Variants in MYO16 observed in about 807,000 individuals in gnomAD.
MYO16 encodes the protein unconventional myosin-XVI.
MYO16 carries 94 observed loss-of-function variants against 205.3 expected under a neutral mutation model. That is an observed-to-expected ratio of 0.46 (90% CI 0.39 to 0.54). The LOEUF (loss-of-function observed/expected upper bound fraction) is 0.54. MYO16 is among the 20% of genes least tolerant of loss of function. MYO16 has a pLI of 0.00. For synonymous variants in MYO16, 988 were observed against 954.0 expected (o/e 1.04, Z -0.66); for missense variants, 2,315 against 2,387.5 (o/e 0.97, Z 0.63).
At chr13:108,662,364 G>T (rs958400405) in intron 1 of MYO16, among the ~76,000 whole-genome samples, 3 of 152,170 alleles carry the variant, frequency 2.0e-5, no homozygotes, top group African/African-American at 4.8e-5. Flanking sequence ...AATGCCCTTT[G>T]TTTGCCACTA....
In MYO16 at chr13:108,712,827, T is replaced by C. The variant is rs115079378; in HGVS notation, c.363+96T>C. ...AGGAACGAAATGTACATCTCACAGA[T>C]GATGATCAGAAAGATGATGTGTTTC... On this transcript the variant is annotated intron_variant, in intron 3 of 34. Transcript: ENST00000457511. 3.6e-3 allele frequency: 3,102 copies of C among 864,964 alleles called. 65 individuals carry two copies. The African/African-American group carries it at 0.043, about 12-fold the overall frequency. The allele number at this position is 864,964 out of a possible 1,614,324, so 53.6% of individuals were successfully genotyped here. A position where few individuals can be genotyped will look rare whatever the true frequency, so the allele number is the denominator to read the frequency against.
At chr13:108,740,966 T>C (rs563259985) in intron 4 of MYO16, among the ~76,000 whole-genome samples, 5 of 152,188 alleles carry the variant, frequency 3.3e-5, no homozygotes, top group Non-Finnish European at 5.9e-5. Context: ...GTGTGCCGTT[T>C]GCTAAGACCC....
chr13:108,913,838 C>T (rs537563243), intron 16 of MYO16, among the ~76,000 whole-genome samples: 5 of 152,256 alleles, frequency 3.3e-5, no homozygotes, highest in African/African-American at 4.8e-5. Context: ...CCAATCCCAG[C>T]GGCCATACTT....
intron 17 of MYO16, among the ~76,000 whole-genome samples, chr13:108,960,758 A>G (rs954056487): frequency 6.6e-6 from 1 of 152,152 alleles, no homozygotes; most frequent in Non-Finnish European, 1.5e-5. Flanking sequence ...GACATTCTAG[A>G]AAAGTACAGT....
intron 11 of MYO16, among the ~76,000 whole-genome samples, chr13:108,857,660 A>G (rs1878252025): frequency 6.6e-6 from 1 of 152,230 alleles, no homozygotes. Context: ...TTATTATCTC[A>G]GTGCTTTAAG....
At chr13:108,818,445 ATAAT>A in intron 7 of MYO16, among the ~76,000 whole-genome samples, 2 of 148,750 alleles carry the variant, frequency 1.3e-5, no homozygotes, top group East Asian at 3.9e-4. Context: ...AACAAACACA[ATAAT>A]AAATAAAAAT....
At chr13:108,693,674 G>A (rs529104592) in intron 2 of MYO16, among the ~76,000 whole-genome samples, 2 of 152,240 alleles carry the variant, frequency 1.3e-5, no homozygotes, top group African/African-American at 4.8e-5. Context: ...GCTGTTGATA[G>A]GGCTTCTATA....
intron 32 of MYO16, among the ~76,000 whole-genome samples, chr13:109,157,433 T>C (rs977177081): frequency 6.6e-6 from 1 of 151,876 alleles, no homozygotes; most frequent in Non-Finnish European, 1.5e-5. Context: ...TCTGCGGCAT[T>C]CCCTTCCTTT....
chr13:109,120,680 G>A (rs141343992), intron 29 of MYO16, among the ~76,000 whole-genome samples: 4 of 152,330 alleles, frequency 2.6e-5, no homozygotes, highest in Non-Finnish European at 5.9e-5. Context: ...AACATTTGCA[G>A]ACATTGTTCA....
At chr13:109,017,781 A>G (rs1029196880) in intron 22 of MYO16, among the ~76,000 whole-genome samples, 10 of 152,058 alleles carry the variant, frequency 6.6e-5, no homozygotes, top group Non-Finnish European at 4.4e-5. Context: ...TGCATGCGTC[A>G]CGTAGTTTTC....
At chr13:108,931,120 T>C (rs549023834) in intron 16 of MYO16, among the ~76,000 whole-genome samples, 1 of 152,358 alleles carries the variant, frequency 6.6e-6, no homozygotes, top group South Asian at 2.1e-4. Flanking sequence ...CTCTTCCATC[T>C]GAACAGCTGT....
At chr13:108,759,422 G>T (rs1885523110) in intron 4 of MYO16, among the ~76,000 whole-genome samples, 1 of 152,142 alleles carries the variant, frequency 6.6e-6, no homozygotes, top group Non-Finnish European at 1.5e-5. Context: ...TAAATCATTG[G>T]CAAGTTAAGA....
chr13:108,564,405 A>C, the MYO16 span, among the ~76,000 whole-genome samples: 3 of 152,098 alleles, frequency 2.0e-5, no homozygotes, highest in Non-Finnish European at 4.4e-5. Flanking sequence ...TCCTGACCTC[A>C]TGATCTGCCC....
At chr13:108,957,908 C>T (rs1261258923) in intron 17 of MYO16, 109 bp downstream of exon 17, 3 of 845,290 alleles carry the variant, frequency 3.5e-6, no homozygotes, top group African/African-American at 1.7e-5. Context: ...CAGATGTTGC[C>T]GAGGACACTG....
At chr13:108,714,344 C>T (rs919841230) in intron 3 of MYO16, among the ~76,000 whole-genome samples, 5 of 152,214 alleles carry the variant, frequency 3.3e-5, no homozygotes, top group African/African-American at 4.8e-5. Context: ...CGTGAGCCAC[C>T]GTGCCCGCCC....
At chr13:108,520,780 A>G in the MYO16 span, among the ~76,000 whole-genome samples, 2 of 152,348 alleles carry the variant, frequency 1.3e-5, no homozygotes, top group East Asian at 3.9e-4. Context: ...CAGTGATCAC[A>G]TTGAACTAAA....
At chr13:109,186,049 C>A (rs1389742551) in intron 34 of MYO16, among the ~76,000 whole-genome samples, 1 of 151,998 alleles carries the variant, frequency 6.6e-6, no homozygotes, top group Non-Finnish European at 1.5e-5. Context: ...AACTGTAGTC[C>A]CCGCTACTTG....
chr13:109,118,843 A>G (rs995925050), intron 28 of MYO16, among the ~76,000 whole-genome samples: 4 of 152,182 alleles, frequency 2.6e-5, no homozygotes, highest in Admixed American at 2.6e-4. Context: ...ATACAATGAA[A>G]AAAAAAAGTA....
intron 4 of MYO16, among the ~76,000 whole-genome samples, chr13:108,778,628 A>T (rs572851347): frequency 6.6e-6 from 1 of 150,738 alleles, no homozygotes; most frequent in Non-Finnish European, 1.5e-5. Context: ...AAAAAAATAT[A>T]TATTTTTTTT....
Sources: gnomAD v4.1 joint callset for allele counts (sites outside exome capture counted in the v4.1 genomes callset) on GRCh38, gnomAD v4.1.1 for gene constraint, MANE v1.5 for transcripts, NCBI Gene and HGNC (gene_info 2026-07-23, HGNC 2026-07-21) for gene names.